The following COL2A1 variants were observed in gnomAD, a reference collection of about 807,000 sequenced individuals.
COL2A1 encodes the protein collagen alpha-1(II) chain.
COL2A1 carries 28 observed loss-of-function variants against 204.5 expected under a neutral mutation model. The observed-to-expected ratio is 0.14, with a 90% CI of 0.10 to 0.19. The LOEUF is 0.19. COL2A1 is among the 10% of genes least tolerant of loss of function. The probability of loss-of-function intolerance (pLI) is 1.00; values close to 1 mark genes in which losing one functional copy is unlikely to be tolerated. For missense variants in COL2A1, 1,388 were observed against 2,027.5 expected (o/e 0.68, Z 6.06); for synonymous variants, 708 against 718.7 (o/e 0.99, Z 0.24).
In COL2A1 at chr12:47,997,916, T is replaced by G. The variant is rs1940039184; in HGVS notation, c.384A>C (p.Ala128=). The change falls in exon 6 of 54, where the codon GCA becomes GCC. Residue 128 remains alanine, a synonymous_variant. Coordinates refer to ENST00000380518, the MANE Select transcript of COL2A1 (RefSeq NM_001844.5). ...PKGPPGPQGP[A]GEQGPRGDRG... is the part of the protein sequence containing the mutation. ...GATCCCCTCTGGGTCCTTGTTCCCC[T>G]GCAGGTCCCTGAAGGTGAAGAACAT... The G allele has an allele frequency of 1.2e-6, 2 of 1,614,128 alleles. No individual in the cohort carries two copies. The highest frequency in any genetic ancestry group is 1.7e-6 in the Non-Finnish European group (2 of 1,180,032).
In COL2A1 at chr12:47,985,000, C is replaced by G; in HGVS notation, c.1828G>C (p.Ala610Pro). 1 of 1,613,724 alleles carries G rather than the reference C, an allele frequency of 6.2e-7. No homozygotes were observed. The highest frequency in any genetic ancestry group is 8.5e-7 in the Non-Finnish European group (1 of 1,179,820). ...GVMGFPGPKG[A>P]NGEPGKAGEK... ...AAGAGCAAATTATTACTTACGTTGG[C>G]ACCTTTGGGGCCAGGGAAACCCATG... is the stretch of plus-strand genomic sequence containing the variant. Residue 610 changes from alanine to proline, a missense_variant, in exon 27 of 54, where the codon GCC becomes CCC. By Grantham distance (27) the Ala-to-Pro change is conservative (BLOSUM62 -1). This residue lies in a region of COL2A1 where 884 missense variants were observed against 1,415.8 expected (regional missense o/e 0.62). Coordinates refer to ENST00000380518, the MANE Select transcript of COL2A1 (RefSeq NM_001844.5).
chr12:47,999,027 A>G (rs1592237663), intron 2 of COL2A1, among the ~76,000 whole-genome samples: 2 of 152,182 alleles, frequency 1.3e-5, no homozygotes, highest in African/African-American at 4.8e-5. Context: ...GCCCCTCAGA[A>G]AGGATCTGGG....
At position 47,987,004 on chromosome 12, in the gene COL2A1, G is replaced by C; in HGVS notation, c.1365+74C>G. ...GCCGCTGTGAGGCCAGGGCAGGAGAGCATGGGAAAGAGGGGTGATGGGGTT... is the reference window on the plus strand; with the variant it reads ...GCCGCTGTGAGGCCAGGGCAGGAGACCATGGGAAAGAGGGGTGATGGGGTT... On this transcript the variant is annotated intron_variant, in intron 21 of 53. Transcript: ENST00000380518. This position sits in a 1 kb window ranked among gnomAD's most constrained non-coding sequence, Gnocchi z 4.1. 6.3e-7 allele frequency: 1 copy of C among 1,581,396 alleles called. No individual in the cohort carries two copies. Among genetic ancestry groups the C allele is most frequent in the Non-Finnish European group, 8.7e-7 (1 of 1,150,234 alleles).
Position 47,987,187 on chromosome 12 carries a change from G to C in COL2A1, c.1267-11C>G. The C allele has an allele frequency of 6.2e-7, 1 of 1,613,948 alleles. No individual in the cohort carries two copies. Among genetic ancestry groups the C allele is most frequent in the Non-Finnish European group, 8.5e-7 (1 of 1,179,842 alleles). On this transcript the variant is annotated splice_polypyrimidine_tract_variant and intron_variant, in intron 20 of 53. Coordinates refer to ENST00000380518, the MANE Select transcript of COL2A1 (RefSeq NM_001844.5). The surrounding 1 kb of genome is among the most constrained non-coding windows in gnomAD (Gnocchi z 4.1). ...AATGCCAGGAGCACCCTGTGGGCAT[G>C]AGAAGAAGGGAGGGGTGTCAGGAGA...
Position 47,984,111 on chromosome 12 carries a change from A to G in COL2A1, c.1917T>C (p.Gly639=). 1.2e-6 allele frequency: 2 copies of G among 1,613,398 alleles called. No homozygotes were observed. The highest frequency in any genetic ancestry group is 1.7e-6 in the Non-Finnish European group (2 of 1,179,810). Reference sequence around the variant, plus strand: ...CAGCAGGGCCAGGGGGTCCTGCAGCACCTGTCTCACCATCTTTGCCAGGAA... The same window carrying G: ...CAGCAGGGCCAGGGGGTCCTGCAGCGCCTGTCTCACCATCTTTGCCAGGAA... ...RGLPGKDGET[G]AAGPPGPAGP... Residue 639 remains glycine, a synonymous_variant, in exon 29 of 54, where the codon GGT becomes GGC. Transcript: ENST00000380518.
intron 36 of COL2A1, 97 bp from the exon 37 acceptor site, chr12:47,981,493 G>A (rs1939079318): frequency 9.0e-7 from 1 of 1,116,680 alleles, no homozygotes; most frequent in Non-Finnish European, 1.3e-6. Context: ...TCGTGGGAAG[G>A]GGGCTCCAGG....
chr12:47,980,459 C>A lies in COL2A1; in HGVS notation c.2625+95G>T, dbSNP rs890424571. 1 of 1,163,510 alleles carries A rather than the reference C, an allele frequency of 8.6e-7. No individual in the cohort carries two copies. The highest frequency in any genetic ancestry group is 1.3e-6 in the Non-Finnish European group (1 of 793,940). The allele number at this position is 1,163,510 out of a possible 1,614,324, so 72.1% of individuals were successfully genotyped here. On this transcript the variant is annotated intron_variant, in intron 39 of 53. Coordinates refer to ENST00000380518, the MANE Select transcript of COL2A1 (RefSeq NM_001844.5). This position sits in a 1 kb window ranked among gnomAD's most constrained non-coding sequence, Gnocchi z 4.5. ...CAACATGGGGGTGTTCCCAGGCCTG[C>A]GAACCATCCTCTGCGCAGCCTGCTG...
chr12:47,992,733 T>C (rs1055982355), intron 16 of COL2A1, 145 bp downstream of exon 16: 24 of 849,406 alleles, frequency 2.8e-5, no homozygotes, highest in Non-Finnish European at 4.3e-5. Context: ...CCTGGGAAGT[T>C]TTGATGGGCA....
intron 1 of COL2A1, among the ~76,000 whole-genome samples, chr12:48,001,704 G>T (rs1940243528): frequency 6.6e-6 from 1 of 152,206 alleles, no homozygotes; most frequent in Admixed American, 6.5e-5. Context: ...TCTGGACACG[G>T]CTCGCTCACA....
Position 47,976,687 on chromosome 12 carries a change from C to T in COL2A1, c.3436-120G>A. ...TTCCCTTTCCACTTCCTCCTCCCTC[C>T]AGCCCTGAGGAAATCCTAGAAACTG... On this transcript the variant is annotated intron_variant, in intron 48 of 53. Transcript: ENST00000380518. This position sits in a 1 kb window ranked among gnomAD's most constrained non-coding sequence, Gnocchi z 4.3. 3 of 1,372,568 alleles carry T rather than the reference C, an allele frequency of 2.2e-6. No homozygotes were observed. The highest frequency in any genetic ancestry group is 1.0e-6 in the Non-Finnish European group (1 of 974,924). The allele number at this position is 1,372,568 out of a possible 1,614,324, so 85.0% of individuals were successfully genotyped here.
Position 47,981,781 on chromosome 12 carries a change from C to T in COL2A1, c.2404G>A (p.Glu802Lys), listed in dbSNP as rs148985854. ...GPPGPAGANG[E>K]KGEVGPPGPA... is the part of the protein sequence containing the mutation. ...GGAAAGGAGCCGGGACTCACCTTCT[C>T]GCCATTAGCACCAGCTGGGCCAGGG... The change falls in exon 36 of 54, where the codon GAG (glutamate) becomes AAG (lysine). Residue 802 changes from glutamate to lysine, a missense_variant. Physicochemically the swap from Glu to Lys is moderately conservative, Grantham distance 56. Transcript: ENST00000380518. 4 of 1,553,614 alleles carry T rather than the reference C, an allele frequency of 2.6e-6. No homozygotes were observed. Among genetic ancestry groups the T allele is most frequent in the South Asian group, 1.2e-5 (1 of 84,218 alleles).
intron 30 of COL2A1, 22 bp from the exon 31 acceptor site, chr12:47,983,460 G>A (rs761284915): frequency 2.9e-5 from 46 of 1,613,186 alleles, no homozygotes; most frequent in Admixed American, 1.5e-4. Flanking sequence ...AGTGACAAGC[G>A]TTAGCAAAGG....
intron 35 of COL2A1, 134 bp from the exon 36 acceptor site, chr12:47,981,963 C>G: frequency 1.5e-6 from 2 of 1,291,434 alleles, no homozygotes; most frequent in South Asian, 1.2e-5. Context: ...CCCATTTTAA[C>G]AGAGAAGTCC....
chr12:48,001,468 A>T (rs1393526270), intron 1 of COL2A1, among the ~76,000 whole-genome samples: 1 of 152,182 alleles, frequency 6.6e-6, no homozygotes, highest in Admixed American at 6.5e-5. Context: ...GGCGGTGAGG[A>T]AGGTGTGGGA....
intron 33 of COL2A1, 48 bp downstream of exon 33, chr12:47,982,800 G>T: frequency 1.3e-6 from 2 of 1,518,530 alleles, no homozygotes; most frequent in Non-Finnish European, 1.8e-6. Flanking sequence ...TGCTCAGTGG[G>T]ACTCCCAGGC....
intron 2 of COL2A1, chr12:47,999,669 TCC>T: frequency 3.7e-6 from 1 of 271,252 alleles, no homozygotes; most frequent in Non-Finnish European, 6.5e-6. Flanking sequence ...ATCACATCTG[TCC>T]TTCATGTGTC....
Position 47,999,859 on chromosome 12 carries a change from G to A in COL2A1, c.292+60C>T, listed in dbSNP as rs368829546. On this transcript the variant is annotated intron_variant, in intron 2 of 53. Transcript: ENST00000380518. The stretch of plus-strand genomic sequence containing the variant: ...AGAGACGACCAGCATCTATGGGAGC[G>A]TGTTTGCAGTGCTTGCAAGTAATTT... 249 of 1,419,188 alleles carry A rather than the reference G, an allele frequency of 1.8e-4. No individual in the cohort carries two copies. In the East Asian group the frequency reaches 2.2e-3, roughly 13 times the overall value. 87.9% of individuals were successfully genotyped at this position (1,419,188 alleles called of 1,614,324 possible).
chr12:47,973,671 A>G (rs1938547565), intron 53 of COL2A1, 118 bp from the exon 54 acceptor site: 1 of 1,211,142 alleles, frequency 8.3e-7, no homozygotes, highest in Non-Finnish European at 1.2e-6. Flanking sequence ...AGGTTGAACC[A>G]CACTGAGGGG....
chr12:48,001,988 G>A (rs1201758165), intron 1 of COL2A1, among the ~76,000 whole-genome samples: 3 of 152,046 alleles, frequency 2.0e-5, no homozygotes, highest in African/African-American at 4.8e-5. Context: ...GAGCCGAGAG[G>A]TGGCGGCGGG....
Sources: allele counts gnomAD v4.1 joint callset (sites outside exome capture counted in the v4.1 genomes callset), GRCh38; gene constraint gnomAD v4.1.1; regional missense constraint gnomAD v4.1.1; non-coding constraint Gnocchi (gnomAD v3.1); transcripts MANE v1.5; gene names NCBI Gene and HGNC (gene_info 2026-07-23, HGNC 2026-07-21).